The following E2F8 variants were observed in gnomAD, a reference collection of about 807,000 sequenced individuals.
E2F8 encodes E2F transcription factor 8, also known as transcription factor E2F8.
In E2F8, 35 loss-of-function variants were observed where a neutral mutation model predicts 80.8. The ratio of observed to expected loss-of-function variants is 0.43; its 90% CI spans 0.33 to 0.57. The LOEUF is 0.57. Among genes scored for constraint, E2F8 ranks in the 20% least tolerant of loss-of-function variants. The pLI is 0.04. For synonymous variants in E2F8, 386 were observed against 395.0 expected (o/e 0.98, Z 0.27); for missense variants, 975 against 1,056.2 (o/e 0.92, Z 1.07).
rs760381605 is a variant in E2F8 at position 19,225,552 on chromosome 11, G to A, written c.2090C>T (p.Pro697Leu). 8 of 1,614,188 alleles carry A rather than the reference G, an allele frequency of 5.0e-6. No individual in the cohort carries two copies. The Admixed American group carries it at 1.0e-4, about 20-fold the overall frequency. ...AGTTGGTGAGACCATTAGCTTCAACGGTGTTACATGAAAAGAGGGAAAATT... is the reference window on the plus strand; with the variant it reads ...AGTTGGTGAGACCATTAGCTTCAACAGTGTTACATGAAAAGAGGGAAAATT... ...AVNFPSFHVT[P>L]LKLMVSPTSV... is the part of the protein sequence containing the mutation. Residue 697 changes from proline (P) to leucine (L), a missense_variant, in exon 12 of 13, where the codon CCG (proline) becomes CTG (leucine). By Grantham distance (98) the Pro-to-Leu change is moderately conservative (BLOSUM62 -3). Transcript: ENST00000250024.
At chr11:19,224,873 TCAA>T in intron 12 of E2F8, 33 bp from the exon 13 acceptor site, 1 of 1,611,306 alleles carries the variant, frequency 6.2e-7, no homozygotes, top group Non-Finnish European at 8.5e-7. Flanking sequence ...ACAAAAGAAG[TCAA>T]CCACACACAG....
At chr11:19,234,113 A>C (rs890443320) in intron 6 of E2F8, among the ~76,000 whole-genome samples, 5 of 141,396 alleles carry the variant, frequency 3.5e-5, no homozygotes, top group Non-Finnish European at 4.5e-5. Flanking sequence ...TCGCCACTGC[A>C]CTCCAGCCTA....
rs1851326381 is a variant in E2F8, at chr11:19,229,783, C to T, written c.1564G>A (p.Ala522Thr). 2.5e-6 allele frequency: 4 copies of T among 1,613,946 alleles called. No homozygotes were observed. The highest frequency in any genetic ancestry group is 3.4e-6 in the Non-Finnish European group (4 of 1,179,990). The change falls in exon 10 of 13, where the codon GCC (alanine) becomes ACC (threonine). Residue 522 changes from alanine to threonine, a missense_variant. Transcript: ENST00000250024. This position sits in a 1 kb window ranked among gnomAD's most constrained non-coding sequence, Gnocchi z 4.3. ...GCTTGAGTGGGCTGCAGGTAGATGG[C>T]ATAGGATGGGCCTGAAGGGGCCTGA... ...LPQAPSGPSY[A>T]IYLQPTQAHQ...
chr11:19,227,633 A>G (rs542118310), intron 10 of E2F8, among the ~76,000 whole-genome samples: 4 of 152,164 alleles, frequency 2.6e-5, no homozygotes, highest in Non-Finnish European at 5.9e-5. Context: ...CTATCATGTC[A>G]TCTTCATTCC....
intron 2 of E2F8, among the ~76,000 whole-genome samples, chr11:19,238,615 G>T (rs1400252694): frequency 6.6e-6 from 1 of 152,182 alleles, no homozygotes; most frequent in Non-Finnish European, 1.5e-5. Context: ...TAGCATAATG[G>T]CTGCATGCAG....
At chr11:19,232,598 C>CAATAGCATACG (rs1437321244) in intron 6 of E2F8, among the ~76,000 whole-genome samples, 3 of 151,658 alleles carry the variant, frequency 2.0e-5, no homozygotes, top group African/African-American at 7.3e-5. Context: ...GTTGAAATGA[C>CAATAGCATACG]AATAGCATAC....
intron 10 of E2F8, 74 bp from the exon 11 acceptor site, chr11:19,225,938 A>C: frequency 1.3e-6 from 2 of 1,534,244 alleles, no homozygotes; most frequent in Non-Finnish European, 1.8e-6. Flanking sequence ...CTCTTTCAGG[A>C]CTAATATCCC....
chr11:19,233,882 TAATTTTGGGAGGCCTCCCAA>T (rs1386542577), intron 6 of E2F8, among the ~76,000 whole-genome samples: 1 of 151,602 alleles, frequency 6.6e-6, no homozygotes. Context: ...CTCAGGCCTG[TAATTTTGGGAGGCCTCCCAA>T]AATTTGGGAG....
intron 10 of E2F8, among the ~76,000 whole-genome samples, chr11:19,227,774 T>C (rs1399531383): frequency 6.6e-6 from 1 of 152,224 alleles, no homozygotes; most frequent in African/African-American, 2.4e-5. Flanking sequence ...TTTGTTTTGC[T>C]CAGGCCATAC....
chr11:19,234,152 A>AAAAG (rs1343023971), intron 6 of E2F8, among the ~76,000 whole-genome samples: 3 of 151,242 alleles, frequency 2.0e-5, no homozygotes, highest in African/African-American at 7.3e-5. Context: ...GTCTAAAAAA[A>AAAAG]AAAAAAAAAA....
At chr11:19,235,610 C>T (rs1338237644) in intron 4 of E2F8, among the ~76,000 whole-genome samples, 3 of 151,856 alleles carry the variant, frequency 2.0e-5, no homozygotes, top group Non-Finnish European at 2.9e-5. Context: ...GATCGCGCCA[C>T]AGCACTCCAG....
rs1565064715 is a variant in E2F8, at chr11:19,224,307, T to TTAC, written c.*350_*351insGTA. The TTAC allele has an allele frequency of 2.0e-4, 34 of 166,288 alleles. No homozygotes were observed. The highest frequency in any genetic ancestry group is 7.6e-4 in the African/African-American group (32 of 41,958). The allele number at this position is 166,288 out of a possible 1,614,324, so 10.3% of individuals were successfully genotyped here. A position where few individuals can be genotyped will look rare whatever the true frequency, so the allele number is the denominator to read the frequency against. ...TGCTGTGTTAGGCATGTCAAGCATATTTGCTTAGAGGGAAGTAAACTTTAA... is the reference window on the plus strand; with the variant it reads ...TGCTGTGTTAGGCATGTCAAGCATATTACTTGCTTAGAGGGAAGTAAACTTTAA... On this transcript the variant is annotated 3_prime_UTR_variant, in exon 13 of 13. Transcript: ENST00000250024.
intron 7 of E2F8, among the ~76,000 whole-genome samples, chr11:19,231,608 G>A (rs1851385343): frequency 6.6e-6 from 1 of 152,182 alleles, no homozygotes; most frequent in Admixed American, 6.5e-5. Context: ...TTAAGATGAA[G>A]GCTAGAAATA....
chr11:19,238,045 T>C lies in E2F8; in HGVS notation c.103A>G (p.Ile35Val). 1 of 1,614,222 alleles carries C rather than the reference T, an allele frequency of 6.2e-7. No homozygotes were observed. Among genetic ancestry groups the C allele is most frequent in the Non-Finnish European group, 8.5e-7 (1 of 1,180,038 alleles). ...STTANIVLAE[I>V]QPDFGPLTTP... The stretch of plus-strand genomic sequence containing the variant: ...GTTAAAGGGCCAAAGTCAGGCTGGA[T>C]CTCTGCCAACACGATATTTGCTGTG... Residue 35 changes from isoleucine to valine, a missense_variant, in exon 3 of 13, where the codon ATC becomes GTC. Ile to Val is a conservative substitution (Grantham distance 29). Coordinates refer to ENST00000250024, the MANE Select transcript of E2F8 (RefSeq NM_024680.4).
rs768818286 is a variant in E2F8 at position 19,230,278 on chromosome 11, C to T, written c.1321G>A (p.Ala441Thr). The T allele has an allele frequency of 1.8e-5, 29 of 1,613,826 alleles. No homozygotes were observed. Among genetic ancestry groups the T allele is most frequent in the Non-Finnish European group, 2.4e-5 (28 of 1,179,980 alleles). Residue 441 changes from alanine (A) to threonine (T), a missense_variant, in exon 9 of 13, where the codon GCA (alanine) becomes ACA (threonine). Ala to Thr is a moderately conservative substitution (Grantham distance 58). Transcript: ENST00000250024. ...TCTAACTGCATTTTACAAATAGCTG[C>T]GAGCTGAGCCATTTTACTTGGGAAG... The part of the protein sequence containing the change: ...APFPSKMAQL[A>T]AICKMQLEEQ...
intron 2 of E2F8, among the ~76,000 whole-genome samples, chr11:19,238,719 G>C (rs1851587276): frequency 6.6e-6 from 1 of 152,234 alleles, no homozygotes. Flanking sequence ...GAAATCTAGA[G>C]TGTCCAACAG....
chr11:19,230,574 A>G lies in E2F8; in HGVS notation c.1270+57T>C, dbSNP rs1246193148. 8 of 1,575,606 alleles carry G rather than the reference A, an allele frequency of 5.1e-6. No homozygotes were observed. In the East Asian group the frequency reaches 1.8e-4, roughly 35 times the overall value. On this transcript the variant is annotated intron_variant, in intron 8 of 12. Transcript: ENST00000250024. ...TATTGCAAGGATCAAGTAAGCTGAAAAAATGAGATAAAAGGGAATTCTTCC... is the reference window on the plus strand; with the variant it reads ...TATTGCAAGGATCAAGTAAGCTGAAGAAATGAGATAAAAGGGAATTCTTCC...
At position 19,225,343 on chromosome 11, in the gene E2F8, A is replaced by C; in HGVS notation, c.2299T>G (p.Ser767Ala). Residue 767 changes from serine (S) to alanine (A), a missense_variant, in exon 12 of 13, where the codon TCT becomes GCT. Coordinates refer to ENST00000250024, the MANE Select transcript of E2F8 (RefSeq NM_024680.4). ...GCATTTTCTGGTGCGACATTAACAGACTCTATTCTTGGAGACACAGGAACG... is the reference window on the plus strand; with the variant it reads ...GCATTTTCTGGTGCGACATTAACAGCCTCTATTCTTGGAGACACAGGAACG... The part of the protein sequence containing the change: ...GIVPVSPRIE[S>A]VNVAPENAGT... 1 of 1,613,928 alleles carries C rather than the reference A, an allele frequency of 6.2e-7. No individual in the cohort carries two copies. Among genetic ancestry groups the C allele is most frequent in the Non-Finnish European group, 8.5e-7 (1 of 1,179,988 alleles).
intron 6 of E2F8, among the ~76,000 whole-genome samples, chr11:19,233,635 A>C (rs929691408): frequency 6.6e-5 from 10 of 151,754 alleles, no homozygotes; most frequent in East Asian, 2.0e-4. Flanking sequence ...CTACAGGTGC[A>C]CGCCACCACG....
Sources: allele counts gnomAD v4.1 joint callset (sites outside exome capture counted in the v4.1 genomes callset), GRCh38; gene constraint gnomAD v4.1.1; non-coding constraint Gnocchi (gnomAD v3.1); transcripts MANE v1.5; gene names NCBI Gene and HGNC (gene_info 2026-07-23, HGNC 2026-07-21).